DGKB: variants seen among roughly 807,000 people sequenced by gnomAD.
DGKB encodes the protein 90 kDa diacylglycerol kinase.
In DGKB, 67 loss-of-function variants were observed where a neutral mutation model predicts 114.3. The observed-to-expected ratio is 0.59, with a 90% CI of 0.48 to 0.72. The LOEUF is 0.72. Among genes scored for constraint, DGKB ranks in the 30% least tolerant of loss-of-function variants. DGKB has a pLI of 0.00. For synonymous variants in DGKB, 398 were observed against 323.1 expected, an observed-to-expected ratio of 1.23 and a Z score of -2.49; for missense variants, 907 against 975.2, an observed-to-expected ratio of 0.93 and a Z score of 0.93.
At chr7:14,771,783 C>T (rs1481829761) in intron 2 of DGKB, among the ~76,000 whole-genome samples, 1 of 152,066 alleles carries the variant, frequency 6.6e-6, no homozygotes, top group Middle Eastern at 3.2e-3. Flanking sequence ...TAGAGAATCC[C>T]CTTCCCCCTT....
rs1477120918 is a variant in DGKB, at chr7:14,482,752, A to G, written c.1771-4527T>C. On this transcript the variant is annotated intron_variant, in intron 20 of 25. Transcript: ENST00000402815. ...CTCCTGATAGTGTTTACCTGAATGT[A>G]CTATGCTCTCCTGACAATCATTACC... Among the ~76,000 whole-genome samples, 9 of 152,118 alleles carry G rather than the reference A, an allele frequency of 5.9e-5. No homozygotes were observed. In the East Asian group the frequency reaches 1.7e-3, roughly 29 times the overall value.
chr7:14,789,376 T>C (rs1224198686), intron 2 of DGKB, among the ~76,000 whole-genome samples: 2 of 152,146 alleles, frequency 1.3e-5, no homozygotes, highest in Non-Finnish European at 2.9e-5. Flanking sequence ...TAATTGTGTC[T>C]TTTCAAAAAT....
At chr7:14,601,152 G>A (rs1803474538) in intron 17 of DGKB, among the ~76,000 whole-genome samples, 1 of 152,182 alleles carries the variant, frequency 6.6e-6, no homozygotes, top group African/African-American at 2.4e-5. Context: ...TGCCACCTCT[G>A]TCTCCTGAAG....
chr7:14,742,649 C>T (rs1458510726), intron 4 of DGKB, among the ~76,000 whole-genome samples: 1 of 152,120 alleles, frequency 6.6e-6, no homozygotes, highest in Non-Finnish European at 1.5e-5. Flanking sequence ...ATTAACCAAG[C>T]CCTTGAACAG....
At chr7:14,702,519 C>T (rs1825377567) in intron 6 of DGKB, among the ~76,000 whole-genome samples, 1 of 152,090 alleles carries the variant, frequency 6.6e-6, no homozygotes, top group African/African-American at 2.4e-5. Context: ...AAGCAGATGA[C>T]AGAGGTCCCT....
chr7:14,149,273 T>G (rs762112313), intron 25 of DGKB, 35 bp from the exon 26 acceptor site: 12 of 1,442,924 alleles, frequency 8.3e-6, no homozygotes, highest in Non-Finnish European at 1.1e-5. Flanking sequence ...AGAGAAAGAA[T>G]AGAGTAATCT....
chr7:14,741,057 A>T (rs1832517738), intron 4 of DGKB, among the ~76,000 whole-genome samples: 1 of 152,090 alleles, frequency 6.6e-6, no homozygotes, highest in South Asian at 2.1e-4. Flanking sequence ...CCTTTGAAAA[A>T]AATGCCTTCT....
chr7:14,938,340 A>C (rs1785382836), intron 1 of DGKB, among the ~76,000 whole-genome samples: 1 of 152,212 alleles, frequency 6.6e-6, no homozygotes, highest in South Asian at 2.1e-4. Context: ...GAAGAGCTGG[A>C]GAGTAAACAT....
intron 6 of DGKB, among the ~76,000 whole-genome samples, chr7:14,708,564 A>G (rs983277928): frequency 2.0e-5 from 3 of 151,492 alleles, no homozygotes; most frequent in Non-Finnish European, 2.9e-5. Flanking sequence ...ACTTCAAACT[A>G]TACTACAAGG....
chr7:14,913,744 CT>C (rs983768264), intron 1 of DGKB, among the ~76,000 whole-genome samples: 1 of 151,964 alleles, frequency 6.6e-6, no homozygotes, highest in African/African-American at 2.4e-5. Flanking sequence ...ATGGTAAAAT[CT>C]TTTGACTTAT....
intron 23 of DGKB, among the ~76,000 whole-genome samples, chr7:14,242,655 C>T (rs1178671132): frequency 6.6e-6 from 1 of 151,234 alleles, no homozygotes; most frequent in Non-Finnish European, 1.5e-5. Flanking sequence ...AAAAGTTATT[C>T]TGTCCCTTTT....
intron 23 of DGKB, among the ~76,000 whole-genome samples, chr7:14,329,612 C>A (rs1809362378): frequency 6.6e-6 from 1 of 151,724 alleles, no homozygotes; most frequent in Admixed American, 6.6e-5. Flanking sequence ...TTTTAAAATC[C>A]TCCCCAACTG....
intron 23 of DGKB, among the ~76,000 whole-genome samples, chr7:14,312,251 G>A (rs188401705): frequency 1.5e-3 from 234 of 152,258 alleles, no homozygotes; most frequent in Admixed American, 2.6e-3. Flanking sequence ...ACGCCACACT[G>A]GTCCATTATA....
chr7:14,172,261 C>T (rs1451466909), intron 25 of DGKB, among the ~76,000 whole-genome samples: 1 of 152,104 alleles, frequency 6.6e-6, no homozygotes, highest in African/African-American at 2.4e-5. Flanking sequence ...AGTAACTAAA[C>T]AATATTTTAA....
intron 13 of DGKB, among the ~76,000 whole-genome samples, chr7:14,669,922 A>C (rs1818669025): frequency 6.6e-6 from 1 of 152,078 alleles, no homozygotes; most frequent in South Asian, 2.1e-4. Flanking sequence ...CTCTTTACCC[A>C]AAGAGTAACC....
intron 2 of DGKB, among the ~76,000 whole-genome samples, chr7:14,758,955 G>A (rs577158362): frequency 8.4e-5 from 12 of 142,542 alleles, no homozygotes; most frequent in African/African-American, 3.2e-4. Context: ...ATAGAGTTTC[G>A]CTCTTGTTAC....
chr7:14,613,078 T>G (rs1338435188), intron 16 of DGKB, among the ~76,000 whole-genome samples: 3 of 152,086 alleles, frequency 2.0e-5, no homozygotes, highest in Non-Finnish European at 4.4e-5. Flanking sequence ...CCAGACTCTT[T>G]GTTAGGGGAT....
At chr7:14,313,315 T>G (rs1050862319) in intron 23 of DGKB, among the ~76,000 whole-genome samples, 2 of 152,088 alleles carry the variant, frequency 1.3e-5, no homozygotes, top group Non-Finnish European at 2.9e-5. Context: ...GCTCCCAGCC[T>G]GAGCGACGCA....
intron 23 of DGKB, among the ~76,000 whole-genome samples, chr7:14,319,970 G>C (rs1224374108): frequency 6.6e-6 from 1 of 152,122 alleles, no homozygotes; most frequent in African/African-American, 2.4e-5. Flanking sequence ...AAGGATAACT[G>C]GGCAGGCTCC....
Sources: gnomAD v4.1 joint callset for allele counts (sites outside exome capture counted in the v4.1 genomes callset) on GRCh38, gnomAD v4.1.1 for gene constraint, MANE v1.5 for transcripts, NCBI Gene and HGNC (gene_info 2026-07-23, HGNC 2026-07-21) for gene names.